MLLT10: variants seen among roughly 807,000 people sequenced by gnomAD.
MLLT10 encodes MLLT10 histone lysine methyltransferase DOT1L cofactor.
In MLLT10, 30 loss-of-function variants were observed where a neutral mutation model predicts 129.1. That is an observed-to-expected ratio of 0.23 (90% CI 0.17 to 0.32). The LOEUF (loss-of-function observed/expected upper bound fraction) is 0.32, where lower values mean the gene tolerates loss of function less well. MLLT10 is among the 10% of genes least tolerant of loss of function. The pLI, the probability that MLLT10 is intolerant of heterozygous loss-of-function variation, is 1.00. For synonymous variants in MLLT10, 490 were observed against 446.4 expected (o/e 1.10, Z -1.23); for missense variants, 1,119 against 1,268.3 (o/e 0.88, Z 1.79).
At chr10:21,705,848 G>A (rs2131490536) in intron 13 of MLLT10, among the ~76,000 whole-genome samples, 1 of 152,276 alleles carries the variant, frequency 6.6e-6, no homozygotes, top group Admixed American at 6.5e-5. Flanking sequence ...CCCTGTGGCT[G>A]TGCTGTCAAC....
intron 4 of MLLT10, among the ~76,000 whole-genome samples, chr10:21,593,911 C>T (rs1435775489): frequency 9.2e-6 from 1 of 108,908 alleles, no homozygotes; most frequent in Admixed American, 1.3e-4. Flanking sequence ...GGGCGACAGA[C>T]CAAGGCTTTG....
chr10:21,624,122 G>A (rs1164243208), intron 8 of MLLT10, among the ~76,000 whole-genome samples: 1 of 152,064 alleles, frequency 6.6e-6, no homozygotes, highest in Non-Finnish European at 1.5e-5. Flanking sequence ...CAAAACATAC[G>A]ATCATAGGTT....
chr10:21,670,311 T>A (rs2051260150), intron 9 of MLLT10, 138 bp from the exon 10 acceptor site: 1 of 699,914 alleles, frequency 1.4e-6, no homozygotes. Flanking sequence ...ATGATTTTCT[T>A]AGGTGAACTG....
At chr10:21,598,070 C>T (rs565438210) in intron 5 of MLLT10, among the ~76,000 whole-genome samples, 18 of 152,228 alleles carry the variant, frequency 1.2e-4, no homozygotes, top group African/African-American at 4.3e-4. Context: ...GTTTCTTGAC[C>T]TAATTTATGA....
At chr10:21,579,143 C>T (rs1421002558) in intron 3 of MLLT10, among the ~76,000 whole-genome samples, 5 of 152,118 alleles carry the variant, frequency 3.3e-5, no homozygotes, top group African/African-American at 7.2e-5. Flanking sequence ...TCTGTGTTGA[C>T]GGTGCTTTAT....
chr10:21,622,303 G>C (rs1373898239), intron 8 of MLLT10, among the ~76,000 whole-genome samples: 3 of 150,640 alleles, frequency 2.0e-5, no homozygotes, highest in Non-Finnish European at 3.0e-5. Context: ...GACTACCAGC[G>C]TATGCCACTA....
intron 21 of MLLT10, chr10:21,738,435 G>T (rs936472739): frequency 1.6e-6 from 2 of 1,288,900 alleles, no homozygotes; most frequent in African/African-American, 1.5e-5. Context: ...CCAGAACATG[G>T]TTAAGGAATT....
chr10:21,732,911 T>C lies in MLLT10; in HGVS notation c.2231T>C (p.Leu744Pro). 6.2e-7 allele frequency: 1 copy of C among 1,613,636 alleles called. No individual in the cohort carries two copies. The highest frequency in any genetic ancestry group is 1.3e-5 in the African/African-American group (1 of 74,996). Residue 744 changes from leucine to proline, a missense_variant, in exon 18 of 23, where the codon CTG becomes CCG. By Grantham distance (98) the Leu-to-Pro change is moderately conservative. Coordinates refer to ENST00000307729, the MANE Select transcript of MLLT10 (RefSeq NM_001195626.3). The part of the protein sequence containing the change: ...QGTPSDILGM[L>P]KSLHQLQVEN... Reference sequence around the variant, plus strand: ...AAATGTGTGGTAGTTTTAGGAATGCTGAAGTCATTACACCAACTTCAAGTT... The same window carrying C: ...AAATGTGTGGTAGTTTTAGGAATGCCGAAGTCATTACACCAACTTCAAGTT...
At chr10:21,708,761 A>T in intron 13 of MLLT10, 5 of 984,980 alleles carry the variant, frequency 5.1e-6, no homozygotes, top group Non-Finnish European at 6.0e-6. Flanking sequence ...AAGATGTTTT[A>T]CTGCATGTTG....
At chr10:21,624,143 TAA>T (rs1384652533) in intron 8 of MLLT10, among the ~76,000 whole-genome samples, 1 of 152,236 alleles carries the variant, frequency 6.6e-6, no homozygotes, top group East Asian at 1.9e-4. Context: ...ATTTTCAGTA[TAA>T]GAAAACTTAA....
intron 11 of MLLT10, among the ~76,000 whole-genome samples, chr10:21,678,716 C>T (rs2052438549): frequency 1.3e-5 from 2 of 152,036 alleles, no homozygotes; most frequent in African/African-American, 4.8e-5. Context: ...GGCTAGTTAC[C>T]ATTATGAAAG....
chr10:21,594,242 C>T (rs1053780259), intron 4 of MLLT10, among the ~76,000 whole-genome samples: 6 of 152,000 alleles, frequency 3.9e-5, no homozygotes, highest in African/African-American at 1.4e-4. Context: ...ACTGTTAGGC[C>T]TCTGAGTTTG....
At chr10:21,704,870 A>G (rs2055342150) in intron 13 of MLLT10, among the ~76,000 whole-genome samples, 1 of 152,106 alleles carries the variant, frequency 6.6e-6, no homozygotes, top group South Asian at 2.1e-4. Flanking sequence ...TTTAGGGTGC[A>G]ATTATTAGTG....
In MLLT10 at chr10:21,717,810, T is replaced by TCTCATTCTTCTC. The variant is rs1564711953; in HGVS notation, c.1878+3863_1878+3864insATTCTTCTCCTC. Among the ~76,000 whole-genome samples, 15 of 88,010 alleles carry TCTCATTCTTCTC rather than the reference T, an allele frequency of 1.7e-4. 1 individual carries two copies. The East Asian group carries it at 4.9e-3, about 29-fold the overall frequency. 57.7% of individuals were successfully genotyped at this position (88,010 alleles called of 152,430 possible). ...TTCTTCTTCTTCTTCTCCTTCTTCTTCTCCTTCTTCTCCTCCTTCTCCTCC... is the reference window on the plus strand; with the variant it reads ...TTCTTCTTCTTCTTCTCCTTCTTCTTCTCATTCTTCTCCTCCTTCTTCTCCTCCTTCTCCTCC... On this transcript the variant is annotated intron_variant, in intron 14 of 22. Coordinates refer to ENST00000307729, the MANE Select transcript of MLLT10 (RefSeq NM_001195626.3).
chr10:21,734,908 T>A (rs151061686), intron 20 of MLLT10, among the ~76,000 whole-genome samples: 2 of 152,340 alleles, frequency 1.3e-5, no homozygotes, highest in African/African-American at 4.8e-5. Context: ...GCCTATTTGT[T>A]TTATAATAAA....
chr10:21,541,742 G>A (rs1419453496), intron 3 of MLLT10, among the ~76,000 whole-genome samples: 1 of 152,156 alleles, frequency 6.6e-6, no homozygotes, highest in Non-Finnish European at 1.5e-5. Flanking sequence ...TGGAATTCCT[G>A]AGCTCAAGCA....
chr10:21,717,674 CTCT>C (rs1160643454), intron 14 of MLLT10, among the ~76,000 whole-genome samples: 14 of 114,114 alleles, frequency 1.2e-4, no homozygotes, highest in Middle Eastern at 5.2e-3. Context: ...CTTCCTCCTC[CTCT>C]TCCTCCTCCT....
In MLLT10 at chr10:21,670,607, G is replaced by A; in HGVS notation, c.954G>A (p.Lys318=). Residue 318 remains lysine, a synonymous_variant, in exon 10 of 23, where the codon AAG becomes AAA. Transcript: ENST00000307729. The part of the protein sequence containing the change: ...SETRGSEGKG[K]KSSAHSSGQR... Reference sequence around the variant, plus strand: ...CTAGAGGGTCAGAGGGCAAAGGGAAGAAATCTTCAGCTCACAGCTCAGGTC... The same window carrying A: ...CTAGAGGGTCAGAGGGCAAAGGGAAAAAATCTTCAGCTCACAGCTCAGGTC... 1 of 1,614,152 alleles carries A rather than the reference G, an allele frequency of 6.2e-7. No homozygotes were observed. Among genetic ancestry groups the A allele is most frequent in the Non-Finnish European group, 8.5e-7 (1 of 1,180,020 alleles).
rs1490645962 is a variant in MLLT10, at chr10:21,670,433, TGAATCAAAA to T, written c.796-15_796-7del. The T allele has an allele frequency of 3.2e-6, 5 of 1,583,690 alleles. No homozygotes were observed. In the Admixed American group the frequency reaches 5.6e-5, roughly 18 times the overall value. On this transcript the variant is annotated splice_region_variant and splice_polypyrimidine_tract_variant and intron_variant, in intron 9 of 22. Transcript: ENST00000307729. Reference sequence around the variant, plus strand: ...AATCAACTCTTTTTCCTTCCCTTTTTGAATCAAAATGTTAGACTTATACAAGCACTAGCA... The same window carrying T: ...AATCAACTCTTTTTCCTTCCCTTTTTTGTTAGACTTATACAAGCACTAGCA...
Sources: allele counts gnomAD v4.1 joint callset (sites outside exome capture counted in the v4.1 genomes callset), GRCh38; gene constraint gnomAD v4.1.1; transcripts MANE v1.5; gene names NCBI Gene and HGNC (gene_info 2026-07-23, HGNC 2026-07-21).